Variants in SLC4A10 observed in about 807,000 individuals in gnomAD.
The protein encoded by SLC4A10 is sodium-driven chloride bicarbonate exchanger.
SLC4A10 carries 42 observed loss-of-function variants against 137.7 expected under a neutral mutation model. That is an observed-to-expected ratio of 0.30 (90% CI 0.24 to 0.39). SLC4A10 has a LOEUF of 0.39. Among genes scored for constraint, SLC4A10 ranks in the 10% least tolerant of loss-of-function variants. The probability of loss-of-function intolerance (pLI) is 1.00; values close to 1 mark genes in which losing one functional copy is unlikely to be tolerated. For synonymous variants in SLC4A10, 474 were observed against 464.1 expected, an observed-to-expected ratio of 1.02 and a Z score of -0.27; for missense variants, 925 against 1,355.0, an observed-to-expected ratio of 0.68 and a Z score of 4.98.
intron 24 of SLC4A10, among the ~76,000 whole-genome samples, chr2:161,976,400 G>T (rs184750301): frequency 6.4e-4 from 97 of 152,242 alleles, no homozygotes; most frequent in Non-Finnish European, 8.7e-4. Context: ...GGCACTTAGA[G>T]AAGTCAGAAA....
At chr2:161,777,798 T>C (rs1286287981) in intron 2 of SLC4A10, among the ~76,000 whole-genome samples, 1 of 151,986 alleles carries the variant, frequency 6.6e-6, no homozygotes, top group Non-Finnish European at 1.5e-5. Flanking sequence ...CAAGATGAGA[T>C]CTGGGTGGGG....
chr2:161,697,354 G>A (rs959717863), intron 1 of SLC4A10, among the ~76,000 whole-genome samples: 5 of 152,022 alleles, frequency 3.3e-5, no homozygotes, highest in African/African-American at 1.2e-4. Flanking sequence ...CATTGCTTTT[G>A]GTGTTTTAGA....
At chr2:161,713,749 AC>A (rs1204230344) in intron 1 of SLC4A10, among the ~76,000 whole-genome samples, 2 of 151,878 alleles carry the variant, frequency 1.3e-5, no homozygotes, top group East Asian at 3.9e-4. Flanking sequence ...TGAATATTTT[AC>A]CTTTGTTCTC....
intron 1 of SLC4A10, among the ~76,000 whole-genome samples, chr2:161,675,605 T>A (rs1164579328): frequency 6.6e-6 from 1 of 152,164 alleles, no homozygotes; most frequent in Non-Finnish European, 1.5e-5. Context: ...GTTTACTTTT[T>A]ACTCATGCTG....
At chr2:161,944,350 A>C (rs891158272) in intron 16 of SLC4A10, among the ~76,000 whole-genome samples, 5 of 151,866 alleles carry the variant, frequency 3.3e-5, no homozygotes, top group African/African-American at 1.2e-4. Context: ...TCCCATCTCT[A>C]AGTTATATAA....
chr2:161,916,439 C>A (rs1048939369), intron 15 of SLC4A10, among the ~76,000 whole-genome samples: 2 of 152,158 alleles, frequency 1.3e-5, no homozygotes, highest in African/African-American at 4.8e-5. Flanking sequence ...TGCCTTCTAG[C>A]TGGTGTCTTT....
intron 1 of SLC4A10, among the ~76,000 whole-genome samples, chr2:161,769,220 T>C (rs767990983): frequency 2.6e-5 from 4 of 151,944 alleles, no homozygotes; most frequent in African/African-American, 4.8e-5. Context: ...CGGGCCCATA[T>C]CAATAAAGTC....
chr2:161,981,605 A>G (rs1240464510), intron 26 of SLC4A10, among the ~76,000 whole-genome samples: 1 of 152,234 alleles, frequency 6.6e-6, no homozygotes. Flanking sequence ...GTAGAGCTTA[A>G]GGAAAAGTTA....
intron 3 of SLC4A10, among the ~76,000 whole-genome samples, chr2:161,816,549 T>C (rs935692595): frequency 6.6e-6 from 1 of 152,108 alleles, no homozygotes; most frequent in African/African-American, 2.4e-5. Context: ...TACATACGTA[T>C]ACATGTGCCA....
At position 161,965,123 on chromosome 2, in the gene SLC4A10, G is replaced by T. The variant is rs1470932753; in HGVS notation, c.3109G>T (p.Asp1037Tyr). 2 of 1,612,576 alleles carry T rather than the reference G, an allele frequency of 1.2e-6. No individual in the cohort carries two copies. The highest frequency in any genetic ancestry group is 2.2e-5 in the South Asian group (2 of 90,966). The change falls in exon 23 of 27, where the codon GAT (aspartate) becomes TAT (tyrosine). Residue 1037 changes from aspartate to tyrosine, a missense_variant. By Grantham distance (160) the Asp-to-Tyr change is radical. Coordinates refer to ENST00000446997, the MANE Select transcript of SLC4A10 (RefSeq NM_001178015.2). Reference protein sequence around the residue: ...FTKRELSWLDDLMPESKKKKL... With the variant: ...FTKRELSWLDYLMPESKKKKL... ...GAAGCGGGAACTCAGCTGGTTGGAT[G>T]ATTTGATGCCCGAGAGTAAGAAAAA... is the stretch of plus-strand genomic sequence containing the variant.
intron 15 of SLC4A10, among the ~76,000 whole-genome samples, chr2:161,913,776 C>T (rs1686440329): frequency 6.6e-6 from 1 of 152,168 alleles, no homozygotes; most frequent in Non-Finnish European, 1.5e-5. Context: ...CACTCAACTT[C>T]TTCTCACCTG....
chr2:161,698,426 T>G (rs950662964), intron 1 of SLC4A10, among the ~76,000 whole-genome samples: 2 of 152,246 alleles, frequency 1.3e-5, no homozygotes, highest in Non-Finnish European at 2.9e-5. Flanking sequence ...CCATTCAGCA[T>G]GATATTGGCT....
intron 4 of SLC4A10, among the ~76,000 whole-genome samples, chr2:161,853,616 A>G (rs1399314080): frequency 6.6e-6 from 1 of 152,202 alleles, no homozygotes; most frequent in Admixed American, 6.5e-5. Context: ...TTTAGGACTG[A>G]AAAACTTTAG....
chr2:161,638,821 G>A (rs1268163259), intron 1 of SLC4A10, among the ~76,000 whole-genome samples: 1 of 151,202 alleles, frequency 6.6e-6, no homozygotes, highest in African/African-American at 2.4e-5. Flanking sequence ...TTTTATTTTA[G>A]AGATCTTTCA....
At chr2:161,710,701 C>A in intron 1 of SLC4A10, 1 of 455,422 alleles carries the variant, frequency 2.2e-6, no homozygotes. Flanking sequence ...AGGCTGCCTT[C>A]GTTTATACTA....
chr2:161,939,598 T>C (rs573475710), intron 15 of SLC4A10, among the ~76,000 whole-genome samples: 9 of 152,284 alleles, frequency 5.9e-5, no homozygotes, highest in African/African-American at 2.2e-4. Flanking sequence ...ATTCTCACCT[T>C]TCCTCCCAAC....
chr2:161,701,374 T>C (rs1238943376), intron 1 of SLC4A10, among the ~76,000 whole-genome samples: 1 of 152,006 alleles, frequency 6.6e-6, no homozygotes, highest in African/African-American at 2.4e-5. Context: ...TTAAGTACAA[T>C]TGTAGTGTTG....
chr2:161,813,696 G>C (rs2056773118), intron 3 of SLC4A10, among the ~76,000 whole-genome samples: 1 of 152,070 alleles, frequency 6.6e-6, no homozygotes, highest in Non-Finnish European at 1.5e-5. Context: ...TAGTATTTGA[G>C]AAAATATATT....
At chr2:161,899,152 C>T (rs563267903) in intron 11 of SLC4A10, among the ~76,000 whole-genome samples, 40 of 152,220 alleles carry the variant, frequency 2.6e-4, no homozygotes, top group Admixed American at 9.2e-4. Flanking sequence ...AAGAACCTAT[C>T]TCTTCACATC....
Sources: gnomAD v4.1 joint callset for allele counts (sites outside exome capture counted in the v4.1 genomes callset) on GRCh38, gnomAD v4.1.1 for gene constraint, MANE v1.5 for transcripts, NCBI Gene and HGNC (gene_info 2026-07-23, HGNC 2026-07-21) for gene names.